Variants in DGKH observed in about 807,000 individuals in gnomAD.
DGKH encodes the protein DAG kinase eta.
DGKH carries 90 observed loss-of-function variants against 159.3 expected under a neutral mutation model. That is an observed-to-expected ratio of 0.57 (90% CI 0.48 to 0.67). DGKH has a LOEUF of 0.67. Ranked by LOEUF, DGKH falls within the 30% of genes least tolerant of loss-of-function variation. DGKH has a pLI of 0.00. For synonymous variants in DGKH, 536 were observed against 553.8 expected (o/e 0.97, Z 0.45); for missense variants, 1,181 against 1,506.1 (o/e 0.78, Z 3.57).
chr13:42,137,738 A>G (rs1324623443), intron 3 of DGKH, among the ~76,000 whole-genome samples: 1 of 152,226 alleles, frequency 6.6e-6, no homozygotes, highest in Non-Finnish European at 1.5e-5. Context: ...TTTAAAGAGA[A>G]ATGTTGACTA....
intron 29 of DGKH, among the ~76,000 whole-genome samples, chr13:42,228,624 G>A (rs1203902606): frequency 6.7e-6 from 1 of 149,776 alleles, no homozygotes; most frequent in African/African-American, 2.5e-5. Flanking sequence ...GAGAGAGGGA[G>A]AGAGAGAAGA....
Position 42,057,762 on chromosome 13 carries a change from T to C in DGKH, c.192+8797T>C, listed in dbSNP as rs77281493. Among the ~76,000 whole-genome samples the C allele has an allele frequency of 1.3e-3, 196 of 152,304 alleles. 1 individual carries two copies. Among genetic ancestry groups the C allele is most frequent in the African/African-American group, 4.4e-3 (184 of 41,564 alleles). ...TTTAATGCAAGGAGAATTTATGAAC[T>C]TGTAAATACTTGAAACGCATAGTAT... is the stretch of plus-strand genomic sequence containing the variant. On this transcript the variant is annotated intron_variant, in intron 1 of 29. Transcript: ENST00000337343.
chr13:42,062,502 T>C (rs1713006716), intron 1 of DGKH, among the ~76,000 whole-genome samples: 1 of 152,182 alleles, frequency 6.6e-6, no homozygotes, highest in Non-Finnish European at 1.5e-5. Flanking sequence ...TATAAAGTCG[T>C]ATTACCAGCG....
At chr13:42,071,053 AAACCATGAAT>A in intron 1 of DGKH, 1 of 1,214,024 alleles carries the variant, frequency 8.2e-7, no homozygotes, top group South Asian at 1.4e-5. Flanking sequence ...ATCCAGATCA[AAACCATGAAT>A]GTTCATGAGA....
chr13:42,180,817 T>TAC (rs1294980078), intron 13 of DGKH, among the ~76,000 whole-genome samples: 1 of 152,224 alleles, frequency 6.6e-6, no homozygotes, highest in Non-Finnish European at 1.5e-5. Flanking sequence ...GTACTAGTAA[T>TAC]ACAATATATG....
At chr13:42,249,600 C>T (rs1958605973) in intron 29 of DGKH, among the ~76,000 whole-genome samples, 2 of 152,144 alleles carry the variant, frequency 1.3e-5, no homozygotes. Flanking sequence ...GCCAATGTGG[C>T]AGGAAAGCAG....
chr13:42,176,887 A>G (rs573046579), intron 12 of DGKH, among the ~76,000 whole-genome samples: 2 of 152,318 alleles, frequency 1.3e-5, no homozygotes, highest in South Asian at 2.1e-4. Context: ...TATTGTGCAC[A>G]TTTTTACATA....
At chr13:42,084,935 AT>A (rs1954273960) in intron 1 of DGKH, among the ~76,000 whole-genome samples, 1 of 152,074 alleles carries the variant, frequency 6.6e-6, no homozygotes, top group East Asian at 1.9e-4. Context: ...AAAAAAAAAA[AT>A]TAATCCTATA....
At chr13:42,043,837 C>G (rs1376954488), upstream of DGKH, 1 of 151,664 alleles carries the variant, frequency 6.6e-6, no homozygotes, top group African/African-American at 2.4e-5. Flanking sequence ...TAACCATTTA[C>G]TCTCCTCATT....
At chr13:42,091,171 T>C (rs1954410262) in intron 1 of DGKH, among the ~76,000 whole-genome samples, 1 of 152,120 alleles carries the variant, frequency 6.6e-6, no homozygotes, top group Non-Finnish European at 1.5e-5. Context: ...GACCTAAACA[T>C]AAGAGCTAAA....
At chr13:42,154,763 G>C (rs1229928370) in intron 3 of DGKH, among the ~76,000 whole-genome samples, 1 of 151,724 alleles carries the variant, frequency 6.6e-6, no homozygotes, top group African/African-American at 2.4e-5. Context: ...TTAGGTGGCC[G>C]GGCGCAGTGG....
At chr13:42,043,321 C>T (rs1324564250) in intron 1 of DGKH, among the ~76,000 whole-genome samples, 1 of 152,082 alleles carries the variant, frequency 6.6e-6, no homozygotes, top group Non-Finnish European at 1.5e-5. Flanking sequence ...GACTTGGACT[C>T]CATTTCAAAG....
At chr13:42,243,360 G>A (rs568099477), downstream of DGKH, among the ~76,000 whole-genome samples, 52 of 152,056 alleles carry the variant, frequency 3.4e-4, no homozygotes, top group African/African-American at 1.2e-3. Context: ...GAGTAGTCTC[G>A]CATCTGGTGA....
Position 42,199,664 on chromosome 13 carries a change from C to G in DGKH, c.2384C>G (p.Pro795Arg), listed in dbSNP as rs1410351719. Residue 795 changes from proline (P) to arginine (R), a missense_variant, in exon 19 of 30, where the codon CCT (proline) becomes CGT (arginine). Physicochemically the swap from Pro to Arg is moderately radical, Grantham distance 103. This residue lies in a region of DGKH where 335 missense variants were observed against 495.2 expected (regional missense o/e 0.68). Coordinates refer to ENST00000337343, the MANE Select transcript of DGKH (RefSeq NM_178009.5). ...LEFNNKREEH[P>R]EKCRSRTKNL... ...TTTAATAATAAAAGAGAGGAGCACCCTGAAAAATGCAGGTAATTTTAGTAA... is the reference window on the plus strand; with the variant it reads ...TTTAATAATAAAAGAGAGGAGCACCGTGAAAAATGCAGGTAATTTTAGTAA... 6.3e-7 allele frequency: 1 copy of G among 1,588,824 alleles called. No individual in the cohort carries two copies. The highest frequency in any genetic ancestry group is 1.2e-5 in the South Asian group (1 of 85,082).
rs1958290725 is a variant in DGKH, at chr13:42,231,408, C to T, written c.*2220C>T. The T allele has an allele frequency of 6.6e-6, 1 of 152,106 alleles. No homozygotes were observed. The highest frequency in any genetic ancestry group is 6.6e-5 in the Admixed American group (1 of 15,252). The allele number at this position is 152,106 out of a possible 1,614,324, so 9.4% of individuals were successfully genotyped here. On this transcript the variant is annotated 3_prime_UTR_variant, in exon 30 of 30. Coordinates refer to ENST00000337343, the MANE Select transcript of DGKH (RefSeq NM_178009.5). The stretch of plus-strand genomic sequence containing the variant: ...TATGCAATTATTCTAATTGTATCTG[C>T]ACTTACGAAGTCAGAGGTCTCCTTT...
Position 42,048,794 on chromosome 13 carries a change from G to T in DGKH, c.21G>T (p.Gln7His), listed in dbSNP as rs1051042427. 1.4e-5 allele frequency: 18 copies of T among 1,314,186 alleles called. No homozygotes were observed. In the African/African-American group the frequency reaches 2.5e-4, roughly 18 times the overall value. 81.4% of individuals were successfully genotyped at this position (1,314,186 alleles called of 1,614,324 possible). A position where few individuals can be genotyped will look rare whatever the true frequency, so the allele number is the denominator to read the frequency against. MAGAGGQHHPPGAAGGA... is the reference protein window; with the variant it reads MAGAGGHHHPPGAAGGA... ...AGAGGATGGCAGGGGCCGGAGGCCA[G>T]CACCACCCTCCGGGCGCCGCTGGAG... is the stretch of plus-strand genomic sequence containing the variant. The change falls in exon 1 of 30, where the codon CAG becomes CAT. Residue 7 changes from glutamine to histidine, a missense_variant. Physicochemically the swap from Gln to His is conservative, Grantham distance 24. Transcript: ENST00000337343. The surrounding 1 kb of genome is among the most constrained non-coding windows in gnomAD (Gnocchi z 6.7).
chr13:42,158,321 C>T (rs575374257), intron 5 of DGKH, among the ~76,000 whole-genome samples: 2 of 152,250 alleles, frequency 1.3e-5, no homozygotes, highest in South Asian at 4.2e-4. Context: ...GCAACACTTA[C>T]CTTAGTATGT....
chr13:42,188,970 T>A (rs1956995657), intron 14 of DGKH, 66 bp from the exon 15 acceptor site: 2 of 1,540,170 alleles, frequency 1.3e-6, no homozygotes, highest in Middle Eastern at 1.8e-4. Flanking sequence ...TAAAAATTTC[T>A]TGTACTTTGT....
chr13:42,184,843 G>C (rs1185369773), intron 13 of DGKH, among the ~76,000 whole-genome samples: 2 of 151,124 alleles, frequency 1.3e-5, no homozygotes, highest in Non-Finnish European at 2.9e-5. Context: ...CTCCAGCCTA[G>C]GCAACTGAGC....
Sources: gnomAD v4.1 joint callset for allele counts (sites outside exome capture counted in the v4.1 genomes callset) on GRCh38, gnomAD v4.1.1 for gene constraint, gnomAD v4.1.1 regional missense constraint, Gnocchi (gnomAD v3.1) non-coding constraint, MANE v1.5 for transcripts, NCBI Gene and HGNC (gene_info 2026-07-23, HGNC 2026-07-21) for gene names.